Variants in SLC2A14 observed in about 807,000 individuals in gnomAD.
SLC2A14 encodes solute carrier family 2, facilitated glucose transporter member 14.
In SLC2A14, 13 loss-of-function variants were observed where a neutral mutation model predicts 43.0. The ratio of observed to expected loss-of-function variants is 0.30; its 90% confidence interval spans 0.20 to 0.48. The LOEUF is 0.48. Among genes scored for constraint, SLC2A14 ranks in the 20% least tolerant of loss-of-function variants. The probability of loss-of-function intolerance (pLI) is 0.99; values close to 1 mark genes in which losing one functional copy is unlikely to be tolerated. For synonymous variants in SLC2A14, 190 were observed against 233.8 expected, an observed-to-expected ratio of 0.81 and a Z score of 1.71; for missense variants, 428 against 620.4, an observed-to-expected ratio of 0.69 and a Z score of 3.29.
Position 7,845,732 on chromosome 12 carries a change from T to A in SLC2A14, c.19-12918A>T, listed in dbSNP as rs773756076. ...AGGCAGAGCTTGCAGTGAGCTGAGA[T>A]CGCGCCACTGCACTCCAGCCTGGGC... On this transcript the variant is annotated intron_variant, in intron 2 of 10. Coordinates refer to ENST00000431042, the MANE Select transcript of SLC2A14 (RefSeq NM_001286234.2). Among the ~76,000 whole-genome samples, 6 of 135,038 alleles carry A rather than the reference T, an allele frequency of 4.4e-5. No individual in the cohort carries two copies. In the South Asian group the frequency reaches 1.4e-3, roughly 32 times the overall value. The allele number at this position is 135,038 out of a possible 152,430, so 88.6% of individuals were successfully genotyped here. A position where few individuals can be genotyped will look rare whatever the true frequency, so the allele number is the denominator to read the frequency against.
chr12:7,883,424 G>A (rs1277257004), intron 1 of SLC2A14, among the ~76,000 whole-genome samples: 1 of 149,980 alleles, frequency 6.7e-6, no homozygotes, highest in Non-Finnish European at 1.5e-5. Context: ...CCGCCACCAT[G>A]CATGGCTGAT....
At chr12:7,855,371 G>T (rs1291896628) in intron 2 of SLC2A14, among the ~76,000 whole-genome samples, 1 of 151,990 alleles carries the variant, frequency 6.6e-6, no homozygotes, top group Non-Finnish European at 1.5e-5. Context: ...AAACTCCTGA[G>T]CTCAAGCCAT....
intron 2 of SLC2A14, among the ~76,000 whole-genome samples, chr12:7,853,156 C>T (rs1867072142): frequency 6.6e-6 from 1 of 152,026 alleles, no homozygotes; most frequent in South Asian, 2.1e-4. Context: ...AGAAAGAAAA[C>T]AGGGCTGGGC....
intron 1 of SLC2A14, among the ~76,000 whole-genome samples, chr12:7,890,050 C>A (rs925060718): frequency 1.3e-5 from 2 of 152,114 alleles, no homozygotes; most frequent in African/African-American, 4.8e-5. Flanking sequence ...TTTACTGCAA[C>A]CTGTTTTATC....
In SLC2A14 at chr12:7,813,324, C is replaced by G. The variant is rs1369410889; in HGVS notation, c.*992G>C. 6.6e-6 allele frequency: 1 copy of G among 152,086 alleles called. No individual in the cohort carries two copies. The highest frequency in any genetic ancestry group is 2.4e-5 in the African/African-American group (1 of 41,424). 9.4% of individuals were successfully genotyped at this position (152,086 alleles called of 1,614,324 possible). The stretch of plus-strand genomic sequence containing the variant: ...GATGGCTCTCCCACTAGATAGGTGG[C>G]GGGATTACTTCAAAAGTAATGAGAC... On this transcript the variant is annotated 3_prime_UTR_variant, in exon 11 of 11. Coordinates refer to ENST00000431042, the MANE Select transcript of SLC2A14 (RefSeq NM_001286234.2).
At chr12:7,867,280 CAA>C (rs755003596) in intron 2 of SLC2A14, among the ~76,000 whole-genome samples, 3,966 of 70,656 alleles carry the variant, frequency 0.056, 83 homozygotes, top group African/African-American at 0.15. Context: ...GACTCCGTCT[CAA>C]AAAAAAAAAA....
chr12:7,829,257 C>T (rs1395140733), intron 5 of SLC2A14, among the ~76,000 whole-genome samples: 2 of 151,810 alleles, frequency 1.3e-5, no homozygotes, highest in African/African-American at 4.8e-5. Context: ...CATTATTTTA[C>T]CATTGAAAAA....
chr12:7,839,924 C>CAAAAAAAA lies in SLC2A14; in HGVS notation c.19-7118_19-7111dup, dbSNP rs57569188. The CAAAAAAAA allele has an allele frequency of 5.4e-4, 91 of 168,118 alleles. 1 individual carries two copies. Among genetic ancestry groups the CAAAAAAAA allele is most frequent in the South Asian group, 9.7e-4 (23 of 23,708 alleles). 10.4% of individuals were successfully genotyped at this position (168,118 alleles called of 1,614,324 possible). ...GCGACACAAGGAGACCCTGTCTCTACAAAAAAAAAAAAAAAAAAAAAAAAA... is the reference window on the plus strand; with the variant it reads ...GCGACACAAGGAGACCCTGTCTCTACAAAAAAAAAAAAAAAAAAAAAAAAAAAAAAAAA... On this transcript the variant is annotated intron_variant, in intron 2 of 10. Transcript: ENST00000431042.
At chr12:7,886,151 C>CTTTTTTTTTTTTTTTTTTTT (rs3044922) in intron 1 of SLC2A14, among the ~76,000 whole-genome samples, 1 of 44,696 alleles carries the variant, frequency 2.2e-5, no homozygotes, top group Non-Finnish European at 3.9e-5. Context: ...GCCCGGACAG[C>CTTTTTTTTTTTTTTTTTTTT]TTTTTTTTTT....
intron 2 of SLC2A14, among the ~76,000 whole-genome samples, chr12:7,851,595 G>T (rs1866942293): frequency 6.6e-6 from 1 of 152,058 alleles, no homozygotes; most frequent in Non-Finnish European, 1.5e-5. Flanking sequence ...TTAAAATAAT[G>T]AAAATGTAAT....
intron 2 of SLC2A14, among the ~76,000 whole-genome samples, chr12:7,867,867 T>C (rs1276435807): frequency 6.7e-6 from 1 of 148,712 alleles, no homozygotes; most frequent in African/African-American, 2.5e-5. Flanking sequence ...AAAAAGGAAG[T>C]GTTTCTAGAC....
chr12:7,826,857 T>TTCCTTCCTTC (rs1491266594), intron 7 of SLC2A14, among the ~76,000 whole-genome samples: 19 of 75,042 alleles, frequency 2.5e-4, no homozygotes, highest in East Asian at 5.3e-4. Context: ...TTCCTTCCTT[T>TTCCTTCCTTC]CTTTTTTCTT....
At chr12:7,815,034 G>A (rs1313754503) in intron 10 of SLC2A14, among the ~76,000 whole-genome samples, 1 of 151,798 alleles carries the variant, frequency 6.6e-6, no homozygotes, top group African/African-American at 2.4e-5. Flanking sequence ...TCCTGACCTT[G>A]TAATCTGCCT....
At chr12:7,878,351 T>C (rs2121098512), upstream of SLC2A14, among the ~76,000 whole-genome samples, 1 of 152,012 alleles carries the variant, frequency 6.6e-6, no homozygotes, top group East Asian at 1.9e-4. Context: ...GTGCCAGCCC[T>C]GGGTTCAAGT....
chr12:7,823,382 C>CA (rs58264594), intron 7 of SLC2A14, among the ~76,000 whole-genome samples: 82,549 of 133,820 alleles, frequency 0.62, 24,927 homozygotes, highest in African/African-American at 0.69. Context: ...GACTCCATAT[C>CA]AAAAAAAAAA....
At chr12:7,828,177 C>T (rs1261829510) in intron 6 of SLC2A14, among the ~76,000 whole-genome samples, 1 of 152,056 alleles carries the variant, frequency 6.6e-6, no homozygotes, top group Non-Finnish European at 1.5e-5. Flanking sequence ...GCCTGGTCAA[C>T]ATGGTGAAAC....
intron 2 of SLC2A14, among the ~76,000 whole-genome samples, chr12:7,864,909 T>C (rs1010010138): frequency 6.6e-6 from 1 of 152,152 alleles, no homozygotes; most frequent in African/African-American, 2.4e-5. Context: ...CGGCTCTTTA[T>C]GTCACTCTGG....
chr12:7,844,517 AT>A (rs1866291968), intron 2 of SLC2A14, among the ~76,000 whole-genome samples: 1 of 147,656 alleles, frequency 6.8e-6, no homozygotes, highest in South Asian at 2.1e-4. Context: ...CTGGGTTGCT[AT>A]TTTTTGCCAG....
Position 7,890,433 on chromosome 12 carries a change from C to T in SLC2A14, c.132+563G>A, listed in dbSNP as rs191022327. ...TCCAGTCTTCCCTGCCCATCCCTTC[C>T]CGACCCCATCCTCCATTATTTGTAC... On this transcript the variant is annotated intron_variant, in intron 1 of 9. Transcript: ENST00000539924. 8.7e-4 allele frequency among the ~76,000 whole-genome samples: 132 copies of T among 152,224 alleles called. 1 individual carries two copies. The highest frequency in any genetic ancestry group is 3.0e-3 in the African/African-American group (124 of 41,546).
Sources: allele counts gnomAD v4.1 joint callset (sites outside exome capture counted in the v4.1 genomes callset), GRCh38; gene constraint gnomAD v4.1.1; transcripts MANE v1.5; gene names NCBI Gene and HGNC (gene_info 2026-07-23, HGNC 2026-07-21).